The following ZNF804A variants were observed in gnomAD, a reference collection of about 807,000 sequenced individuals.
The protein encoded by ZNF804A is zinc finger protein 804A.
Under a neutral mutation model 16.5 loss-of-function variants are expected in ZNF804A, and 2 were observed. The observed-to-expected ratio is 0.12, with a 90% CI of 0.05 to 0.38. The LOEUF is 0.38. Among genes scored for constraint, ZNF804A ranks in the 10% least tolerant of loss-of-function variants. The pLI is 0.99. For synonymous variants in ZNF804A, 534 were observed against 489.6 expected (o/e 1.09, Z -1.20); for missense variants, 1,473 against 1,390.7 (o/e 1.06, Z -0.94).
At chr2:184,697,726 C>T (rs1692855574) in intron 1 of ZNF804A, among the ~76,000 whole-genome samples, 1 of 151,976 alleles carries the variant, frequency 6.6e-6, no homozygotes, top group Admixed American at 6.6e-5. Context: ...CACACACACA[C>T]AAAATCAAGC....
intron 1 of ZNF804A, among the ~76,000 whole-genome samples, chr2:184,742,815 T>C (rs980393975): frequency 6.7e-5 from 10 of 149,344 alleles, no homozygotes; most frequent in African/African-American, 2.4e-4. Context: ...TGTATATATA[T>C]AACTATATTA....
At chr2:184,618,594 G>T (rs1691367847) in intron 1 of ZNF804A, among the ~76,000 whole-genome samples, 1 of 152,064 alleles carries the variant, frequency 6.6e-6, no homozygotes, top group Non-Finnish European at 1.5e-5. Context: ...GTATCGCTGG[G>T]ATTCCTGGAA....
intron 1 of ZNF804A, among the ~76,000 whole-genome samples, chr2:184,629,826 C>T (rs763490761): frequency 7.2e-5 from 11 of 152,226 alleles, no homozygotes; most frequent in Non-Finnish European, 1.3e-4. Flanking sequence ...AGAAAGAAGA[C>T]TATGACAGGG....
chr2:184,622,143 A>G (rs188826246), intron 1 of ZNF804A, among the ~76,000 whole-genome samples: 9 of 151,934 alleles, frequency 5.9e-5, no homozygotes, highest in Admixed American at 5.2e-4. Context: ...TATATTCACT[A>G]TGCTAGTATA....
Position 184,752,872 on chromosome 2 carries a change from CA to C in ZNF804A, c.112-113496del, listed in dbSNP as rs1177181321. On this transcript the variant is annotated intron_variant, in intron 1 of 3. Coordinates refer to ENST00000302277, the MANE Select transcript of ZNF804A (RefSeq NM_194250.2). ...AACGGGCACATTAAAAGGTGCTCCA[CA>C]CTGCTAATCATCAGAGAAATGCAAA... 4.6e-5 allele frequency among the ~76,000 whole-genome samples: 7 copies of C among 151,688 alleles called. No homozygotes were observed. The East Asian group carries it at 9.7e-4, about 21-fold the overall frequency.
At chr2:184,709,612 A>T (rs115396459) in intron 1 of ZNF804A, among the ~76,000 whole-genome samples, 2,191 of 151,664 alleles carry the variant, frequency 0.014, 62 homozygotes, top group African/African-American at 0.05. Context: ...TATCAAAAAA[A>T]CCTCGAGTCT....
At chr2:184,627,424 A>T (rs1016626220) in intron 1 of ZNF804A, among the ~76,000 whole-genome samples, 17 of 152,228 alleles carry the variant, frequency 1.1e-4, no homozygotes, top group African/African-American at 4.1e-4. Flanking sequence ...ATACAGAAAC[A>T]TTTTGTTACT....
intron 1 of ZNF804A, among the ~76,000 whole-genome samples, chr2:184,821,013 T>C (rs1229564136): frequency 6.6e-6 from 1 of 152,100 alleles, no homozygotes; most frequent in Non-Finnish European, 1.5e-5. Context: ...ATAGATTAAA[T>C]GCTATTTGTA....
Position 184,799,620 on chromosome 2 carries a change from C to T in ZNF804A, c.112-66749C>T, listed in dbSNP as rs555978709. Among the ~76,000 whole-genome samples the T allele has an allele frequency of 2.5e-3, 376 of 152,270 alleles. 1 individual carries two copies. Among genetic ancestry groups the T allele is most frequent in the Non-Finnish European group, 4.0e-3 (271 of 68,006 alleles). On this transcript the variant is annotated intron_variant, in intron 1 of 3. Coordinates refer to ENST00000302277, the MANE Select transcript of ZNF804A (RefSeq NM_194250.2). ...TCACTGTAACCTCCACCTCCCTAGG[C>T]TCAGATGATCCTTTCACTTCAAACT...
intron 1 of ZNF804A, among the ~76,000 whole-genome samples, chr2:184,637,101 A>G (rs983325123): frequency 3.3e-5 from 5 of 151,770 alleles, no homozygotes; most frequent in Non-Finnish European, 7.3e-5. Context: ...CATTATTCAA[A>G]TATGTCTTAT....
At chr2:184,769,966 C>T (rs1212166001) in intron 1 of ZNF804A, among the ~76,000 whole-genome samples, 8 of 151,882 alleles carry the variant, frequency 5.3e-5, no homozygotes, top group African/African-American at 1.9e-4. Context: ...TTGGATATAA[C>T]AAAGATACAT....
intron 2 of ZNF804A, among the ~76,000 whole-genome samples, chr2:184,896,764 A>G (rs1286091622): frequency 1.3e-5 from 2 of 151,682 alleles, no homozygotes; most frequent in Non-Finnish European, 1.5e-5. Context: ...AATAAAAGTC[A>G]TCCTTACATA....
rs777410324 is a variant in ZNF804A at position 184,936,233 on chromosome 2, T to C, written c.837T>C (p.His279=). ...CTGAGGAGAAAACTAACTCTTTTCA[T>C]CCACCAGAGGCAATGTGCAGAGACA... The part of the protein sequence containing the change: ...LSSEEKTNSF[H]PPEAMCRDKE... The change falls in exon 4 of 4, where the codon CAT becomes CAC. Residue 279 remains histidine (H), a synonymous_variant. Transcript: ENST00000302277. 2.5e-6 allele frequency: 4 copies of C among 1,614,004 alleles called. 2 individuals carry two copies. The South Asian group carries it at 4.4e-5, about 18-fold the overall frequency.
intron 1 of ZNF804A, among the ~76,000 whole-genome samples, chr2:184,769,191 A>G (rs527559544): frequency 9.2e-4 from 140 of 152,210 alleles, no homozygotes; most frequent in African/African-American, 3.1e-3. Context: ...GTAATTGCAC[A>G]CTTTCTCTTG....
chr2:184,861,967 T>C lies in ZNF804A; in HGVS notation c.112-4402T>C, dbSNP rs529080484. On this transcript the variant is annotated intron_variant, in intron 1 of 3. Transcript: ENST00000302277. The stretch of plus-strand genomic sequence containing the variant: ...GGATTCAGCCTTTACTGTTTTTACA[T>C]ATATGTAAAAAGTGCTGAGTTAGAA... 6.6e-5 allele frequency among the ~76,000 whole-genome samples: 10 copies of C among 152,322 alleles called. No homozygotes were observed. The South Asian group carries it at 1.9e-3, about 28-fold the overall frequency.
intron 1 of ZNF804A, among the ~76,000 whole-genome samples, chr2:184,695,205 TA>T (rs1290328337): frequency 2.6e-5 from 4 of 152,134 alleles, no homozygotes. Context: ...CTCACGCCTG[TA>T]ATCCCAGAAC....
At chr2:184,826,510 T>C (rs1052596404) in intron 1 of ZNF804A, among the ~76,000 whole-genome samples, 1 of 152,134 alleles carries the variant, frequency 6.6e-6, no homozygotes, top group Non-Finnish European at 1.5e-5. Context: ...GTTTAAAAAT[T>C]ATTGAAATTA....
chr2:184,629,465 A>C (rs1162894057), intron 1 of ZNF804A, among the ~76,000 whole-genome samples: 1 of 152,152 alleles, frequency 6.6e-6, no homozygotes, highest in Non-Finnish European at 1.5e-5. Context: ...TCAAAGTTTT[A>C]TGTGTTACAA....
intron 1 of ZNF804A, among the ~76,000 whole-genome samples, chr2:184,650,227 G>C (rs1691958241): frequency 6.6e-6 from 1 of 152,030 alleles, no homozygotes; most frequent in South Asian, 2.1e-4. Context: ...CATCTCAGTA[G>C]GTAAGGAAAA....
Sources: gnomAD v4.1 joint callset for allele counts (sites outside exome capture counted in the v4.1 genomes callset) on GRCh38, gnomAD v4.1.1 for gene constraint, MANE v1.5 for transcripts, NCBI Gene and HGNC (gene_info 2026-07-23, HGNC 2026-07-21) for gene names.